The following PDE4D variants were observed in gnomAD, a reference collection of about 807,000 sequenced individuals.
PDE4D encodes phosphodiesterase 4D.
A neutral mutation model predicts 87.4 loss-of-function variants in PDE4D; 24 were observed. The observed-to-expected ratio is 0.27, with a 90% CI of 0.20 to 0.39. PDE4D has a LOEUF of 0.39. PDE4D is among the 10% of genes least tolerant of loss of function. PDE4D has a pLI of 1.00. For synonymous variants in PDE4D, 384 were observed against 383.2 expected (o/e 1.00, Z -0.02); for missense variants, 714 against 1,041.0 (o/e 0.69, Z 4.32).
intron 1 of PDE4D, among the ~76,000 whole-genome samples, chr5:59,650,180 A>T (rs1412835396): frequency 6.6e-6 from 1 of 152,058 alleles, no homozygotes; most frequent in Non-Finnish European, 1.5e-5. Flanking sequence ...TAGATTCAGT[A>T]ACATGATTAA....
At chr5:60,062,376 C>T (rs553454731) in intron 2 of PDE4D, among the ~76,000 whole-genome samples, 20 of 152,172 alleles carry the variant, frequency 1.3e-4, no homozygotes, top group Non-Finnish European at 2.4e-4. Context: ...CATCTCACAC[C>T]AGTCAGAATG....
At chr5:59,351,703 T>C (rs1166829146) in intron 1 of PDE4D, among the ~76,000 whole-genome samples, 1 of 152,162 alleles carries the variant, frequency 6.6e-6, no homozygotes, top group African/African-American at 2.4e-5. Context: ...AATATAAAAA[T>C]ACCTCTATTT....
At chr5:59,472,473 T>C (rs750991848) in intron 1 of PDE4D, among the ~76,000 whole-genome samples, 2 of 152,192 alleles carry the variant, frequency 1.3e-5, no homozygotes, top group Non-Finnish European at 2.9e-5. Flanking sequence ...AACATTGCTC[T>C]TGAACAACTT....
intron 1 of PDE4D, among the ~76,000 whole-genome samples, chr5:59,696,499 T>G (rs945746259): frequency 6.6e-6 from 1 of 152,044 alleles, no homozygotes; most frequent in African/African-American, 2.4e-5. Flanking sequence ...TTCATTGATG[T>G]GGAAAGAGAG....
intron 1 of PDE4D, among the ~76,000 whole-genome samples, chr5:59,537,477 C>T (rs1815492270): frequency 6.6e-6 from 1 of 152,154 alleles, no homozygotes; most frequent in Non-Finnish European, 1.5e-5. Flanking sequence ...TTTGGTCATT[C>T]TTAATTGTGT....
chr5:60,333,620 T>C (rs572980509), intron 1 of PDE4D, among the ~76,000 whole-genome samples: 2 of 152,184 alleles, frequency 1.3e-5, no homozygotes, highest in African/African-American at 2.4e-5. Context: ...AAATCTAAAA[T>C]GCCAAAAGCA....
chr5:59,428,455 A>C (rs1038590356), intron 1 of PDE4D, among the ~76,000 whole-genome samples: 3 of 152,074 alleles, frequency 2.0e-5, no homozygotes, highest in Non-Finnish European at 4.4e-5. Context: ...GTAATTAGAA[A>C]ACAATTTTCT....
chr5:59,835,550 C>G (rs976637468), intron 1 of PDE4D, among the ~76,000 whole-genome samples: 2 of 152,008 alleles, frequency 1.3e-5, no homozygotes, highest in African/African-American at 4.8e-5. Flanking sequence ...TCTTGTATTT[C>G]ATAATCATAC....
chr5:59,186,243 G>A (rs1742885758), intron 3 of PDE4D, among the ~76,000 whole-genome samples: 1 of 152,160 alleles, frequency 6.6e-6, no homozygotes, highest in African/African-American at 2.4e-5. Context: ...TAGTAAATGT[G>A]TGAACTTGGA....
chr5:60,377,516 G>T (rs1230011136), intron 1 of PDE4D, among the ~76,000 whole-genome samples: 1 of 152,176 alleles, frequency 6.6e-6, no homozygotes, highest in East Asian at 1.9e-4. Context: ...AGCCAAAACA[G>T]ACAACAGGGC....
intron 1 of PDE4D, among the ~76,000 whole-genome samples, chr5:59,792,807 T>C (rs1012609249): frequency 2.0e-5 from 3 of 152,166 alleles, no homozygotes; most frequent in Non-Finnish European, 4.4e-5. Context: ...GATATGGCTC[T>C]GGCTTAGGGT....
At chr5:59,513,197 T>C (rs1290309612) in intron 1 of PDE4D, among the ~76,000 whole-genome samples, 1 of 152,158 alleles carries the variant, frequency 6.6e-6, no homozygotes, top group Admixed American at 6.5e-5. Context: ...CTTAGAAGGA[T>C]TTAATATTAT....
intron 2 of PDE4D, among the ~76,000 whole-genome samples, chr5:59,198,252 G>T (rs936112887): frequency 6.6e-6 from 1 of 152,184 alleles, no homozygotes; most frequent in African/African-American, 2.4e-5. Context: ...GAGGACAGGC[G>T]GAGAATGAAT....
In PDE4D at chr5:59,401,807, G is replaced by A. The variant is rs1290824989; in HGVS notation, c.456-185839C>T. 2.6e-5 allele frequency among the ~76,000 whole-genome samples: 4 copies of A among 152,320 alleles called. No individual in the cohort carries two copies. The East Asian group carries it at 7.7e-4, about 29-fold the overall frequency. On this transcript the variant is annotated intron_variant, in intron 1 of 14. Transcript: ENST00000340635. ...GAACTGTGCTGCTCTGGAGAGAAAG[G>A]TCTGGACATTGTGAGTTTCTGTTTA...
intron 1 of PDE4D, among the ~76,000 whole-genome samples, chr5:59,787,586 T>C (rs1239586027): frequency 1.3e-5 from 2 of 152,202 alleles, no homozygotes; most frequent in Non-Finnish European, 2.9e-5. Flanking sequence ...TGCTGAAGGA[T>C]AGATGGACAG....
chr5:60,132,093 A>G (rs779195267), intron 2 of PDE4D, among the ~76,000 whole-genome samples: 12 of 152,150 alleles, frequency 7.9e-5, no homozygotes, highest in Non-Finnish European at 1.3e-4. Context: ...TTTTTCTACT[A>G]TTTTAATGGG....
chr5:59,858,048 G>C (rs1745718721), intron 1 of PDE4D, among the ~76,000 whole-genome samples: 1 of 152,028 alleles, frequency 6.6e-6, no homozygotes, highest in South Asian at 2.1e-4. Flanking sequence ...ATGCAGGCAG[G>C]CAGGAAGTCA....
rs1743143404 is a variant in PDE4D, at chr5:58,974,089, CTG to C, written c.*573_*574del. 6.6e-6 allele frequency: 1 copy of C among 152,498 alleles called. No individual in the cohort carries two copies. Among genetic ancestry groups the C allele is most frequent in the Non-Finnish European group, 1.5e-5 (1 of 68,004 alleles). The allele number at this position is 152,498 out of a possible 1,614,324, so 9.4% of individuals were successfully genotyped here. ...AATAAAAGTAAGCTCTACAAAAAAT[CTG>C]TTTTACATATCATACAAAATGTAGA... On this transcript the variant is annotated 3_prime_UTR_variant, in exon 15 of 15. Coordinates refer to ENST00000340635, the MANE Select transcript of PDE4D (RefSeq NM_001104631.2).
intron 5 of PDE4D, among the ~76,000 whole-genome samples, chr5:59,144,893 G>A (rs112840785): frequency 1.7e-4 from 5 of 30,266 alleles, no homozygotes; most frequent in African/African-American, 3.7e-4. Context: ...GGTTTAATGG[G>A]GGGGGGGGGG....
Sources: allele counts gnomAD v4.1 joint callset (sites outside exome capture counted in the v4.1 genomes callset), GRCh38; gene constraint gnomAD v4.1.1; transcripts MANE v1.5; gene names NCBI Gene and HGNC (gene_info 2026-07-23, HGNC 2026-07-21).